NPIPA1: variants seen among roughly 807,000 people sequenced by gnomAD.
NPIPA1 encodes nuclear pore complex interacting protein family member A1, also known as nuclear pore complex-interacting protein family member A1.
For missense variants in NPIPA1, 22 were observed against 232.2 expected (o/e 0.09, Z 5.88); for synonymous variants, 7 against 88.0 (o/e 0.08, Z 5.15).
chr16:14,948,228 CAGG>C (rs1166271403), intron 4 of NPIPA1, among the ~76,000 whole-genome samples: 1 of 152,190 alleles, frequency 6.6e-6, no homozygotes, highest in African/African-American at 2.4e-5. Context: ...CAGTCAACAC[CAGG>C]GTGGATGGTT....
chr16:14,941,317 C>G (rs1172650579), intron 1 of NPIPA1, among the ~76,000 whole-genome samples: 1 of 130,890 alleles, frequency 7.6e-6, no homozygotes, highest in Non-Finnish European at 1.6e-5. Flanking sequence ...GACCTGTAAT[C>G]TCAGCTGCTC....
chr16:14,946,895 A>T (rs1349854057), intron 4 of NPIPA1, among the ~76,000 whole-genome samples: 1 of 152,278 alleles, frequency 6.6e-6, no homozygotes, highest in South Asian at 2.1e-4. Context: ...GGGTTTCACC[A>T]TATTGGCCAA....
At chr16:14,947,315 G>A (rs1223460218) in intron 4 of NPIPA1, among the ~76,000 whole-genome samples, 1 of 152,116 alleles carries the variant, frequency 6.6e-6, no homozygotes, top group Admixed American at 6.6e-5. Flanking sequence ...TACTTCTGGG[G>A]GATGGTCAGG....
chr16:14,943,232 C>T (rs1267518151), intron 2 of NPIPA1, among the ~76,000 whole-genome samples: 1 of 151,774 alleles, frequency 6.6e-6, no homozygotes, highest in East Asian at 2.0e-4. Context: ...TCTCGGCTCA[C>T]TGCAACCTCC....
intron 4 of NPIPA1, among the ~76,000 whole-genome samples, chr16:14,946,229 CT>C (rs1166253398): frequency 5.1e-3 from 455 of 89,712 alleles, no homozygotes; most frequent in African/African-American, 0.013. Context: ...TTCTCTCTCT[CT>C]TTTTTTTTTT....
chr16:14,938,938 A>G (rs1420805434), intron 1 of NPIPA1, among the ~76,000 whole-genome samples: 1 of 144,104 alleles, frequency 6.9e-6, no homozygotes, highest in Non-Finnish European at 1.5e-5. Flanking sequence ...GTTCGCCAGG[A>G]TAGTCTCCAT....
chr16:14,938,838 A>G (rs1965688177), intron 1 of NPIPA1, among the ~76,000 whole-genome samples: 3 of 151,586 alleles, frequency 2.0e-5, no homozygotes, highest in Non-Finnish European at 4.4e-5. Context: ...TCCGGGGTTC[A>G]AGCAATTGTC....
chr16:14,941,136 CAAACAA>C (rs1965741864), intron 1 of NPIPA1, among the ~76,000 whole-genome samples: 2 of 151,640 alleles, frequency 1.3e-5, no homozygotes. Context: ...TCAAAAACAA[CAAACAA>C]AAACAAAAAA....
At chr16:14,938,517 G>C (rs1308071984) in intron 1 of NPIPA1, among the ~76,000 whole-genome samples, 1 of 144,794 alleles carries the variant, frequency 6.9e-6, no homozygotes, top group African/African-American at 2.6e-5. Context: ...GGGCATCATA[G>C]CGAAACCCCA....
chr16:14,948,428 C>A (rs1965945305), intron 4 of NPIPA1, among the ~76,000 whole-genome samples: 1 of 152,098 alleles, frequency 6.6e-6, no homozygotes, highest in African/African-American at 2.4e-5. Flanking sequence ...ACACCATATT[C>A]TGGAAGGATC....
chr16:14,938,550 A>C (rs1965679451), intron 1 of NPIPA1, among the ~76,000 whole-genome samples: 1 of 139,628 alleles, frequency 7.2e-6, no homozygotes, highest in African/African-American at 2.7e-5. Flanking sequence ...ATTCCAAAAA[A>C]GATTAGTCGG....
intron 1 of NPIPA1, among the ~76,000 whole-genome samples, chr16:14,941,117 G>A (rs1965741185): frequency 2.0e-5 from 3 of 150,606 alleles, no homozygotes; most frequent in Non-Finnish European, 4.4e-5. Context: ...GACAGAGTGA[G>A]ACCCCATCTC....
At chr16:14,941,171 C>T (rs1365360879) in intron 1 of NPIPA1, among the ~76,000 whole-genome samples, 1 of 151,576 alleles carries the variant, frequency 6.6e-6, no homozygotes, top group Non-Finnish European at 1.5e-5. Flanking sequence ...GGCACGGTGG[C>T]TCACACCTGT....
At position 14,947,462 on chromosome 16, in the gene NPIPA1, A is replaced by G. The variant is rs1276683351; in HGVS notation, c.438-1468A>G. ...CCAGAGCCAGTGGACTTCAGTATGGATCGCTTTCATTGGCAGACCCTCAAT... is the reference window on the plus strand; with the variant it reads ...CCAGAGCCAGTGGACTTCAGTATGGGTCGCTTTCATTGGCAGACCCTCAAT... On this transcript the variant is annotated intron_variant, in intron 4 of 7. Transcript: ENST00000328085. Among the ~76,000 whole-genome samples the G allele has an allele frequency of 1.5e-4, 22 of 151,434 alleles. No individual in the cohort carries two copies. The South Asian group carries it at 2.3e-3, about 16-fold the overall frequency.
intron 2 of NPIPA1, among the ~76,000 whole-genome samples, chr16:14,944,145 A>G (rs1298427265): frequency 6.6e-6 from 1 of 152,264 alleles, no homozygotes; most frequent in South Asian, 2.1e-4. Flanking sequence ...ACTCCGTCTC[A>G]AGAAAAAAGT....
At chr16:14,945,242 G>C (rs1156276100) in intron 2 of NPIPA1, among the ~76,000 whole-genome samples, 1 of 147,964 alleles carries the variant, frequency 6.8e-6, no homozygotes, top group East Asian at 2.1e-4. Context: ...GTGTGTGTGT[G>C]TGTGTGTGTG....
intron 2 of NPIPA1, among the ~76,000 whole-genome samples, chr16:14,943,750 C>G (rs1366044082): frequency 5.9e-5 from 9 of 152,024 alleles, no homozygotes; most frequent in Admixed American, 4.0e-4. Context: ...CTCTTTTCAT[C>G]TTTTTAGATT....
intron 2 of NPIPA1, among the ~76,000 whole-genome samples, chr16:14,943,731 A>T (rs1965808762): frequency 6.6e-6 from 1 of 151,772 alleles, no homozygotes; most frequent in African/African-American, 2.4e-5. Context: ...TGTGGGATAG[A>T]CGTGGTTGCT....
intron 1 of NPIPA1, among the ~76,000 whole-genome samples, chr16:14,937,836 A>G (rs1485666756): frequency 1.4e-5 from 2 of 142,232 alleles, no homozygotes; most frequent in Non-Finnish European, 3.0e-5. Context: ...CCCAGACCGA[A>G]GAAGGTTTGG....
Sources: gnomAD v4.1 joint callset for allele counts (sites outside exome capture counted in the v4.1 genomes callset) on GRCh38, gnomAD v4.1.1 for gene constraint, MANE v1.5 for transcripts, NCBI Gene and HGNC (gene_info 2026-07-23, HGNC 2026-07-21) for gene names.